Variants in SLC39A11 observed in about 807,000 individuals in gnomAD.
SLC39A11 encodes the protein solute carrier family 39 member 11, also known as zinc transporter ZIP11.
In SLC39A11, 33 loss-of-function variants were observed where a neutral mutation model predicts 36.1. The ratio of observed to expected loss-of-function variants is 0.91; its 90% CI spans 0.69 to 1.22. The LOEUF is 1.22. Ranked by LOEUF, SLC39A11 falls within the 50% of genes most tolerant of loss-of-function variation. The pLI, the probability that SLC39A11 is intolerant of heterozygous loss-of-function variation, is 0.00. For synonymous variants in SLC39A11, 166 were observed against 170.3 expected (o/e 0.97, Z 0.20); for missense variants, 432 against 430.3 (o/e 1.00, Z -0.03).
intron 4 of SLC39A11, among the ~76,000 whole-genome samples, chr17:72,968,373 T>C (rs28479009): frequency 6.6e-6 from 1 of 152,178 alleles, no homozygotes; most frequent in South Asian, 2.1e-4. Flanking sequence ...CTCTCTTTTT[T>C]CTTTTTTTCT....
intron 6 of SLC39A11, among the ~76,000 whole-genome samples, chr17:72,765,336 A>G (rs1314342206): frequency 3.3e-5 from 5 of 152,212 alleles, no homozygotes; most frequent in Non-Finnish European, 5.9e-5. Flanking sequence ...CAATGATTGC[A>G]TTCACAACAA....
chr17:72,650,233 A>G (rs964695121), intron 7 of SLC39A11, among the ~76,000 whole-genome samples: 11 of 152,190 alleles, frequency 7.2e-5, no homozygotes, highest in African/African-American at 2.7e-4. Flanking sequence ...CTGCCTCTGC[A>G]GGACAGTGAC....
chr17:72,712,311 CG>C (rs1444220490), intron 7 of SLC39A11, among the ~76,000 whole-genome samples: 1 of 152,154 alleles, frequency 6.6e-6, no homozygotes, highest in Non-Finnish European at 1.5e-5. Context: ...GCTAGCCTGC[CG>C]GGGGATAACA....
intron 7 of SLC39A11, among the ~76,000 whole-genome samples, chr17:72,727,630 TG>T (rs1378426682): frequency 8.1e-6 from 1 of 122,764 alleles, no homozygotes; most frequent in Non-Finnish European, 1.6e-5. Context: ...CCAGCCTGGG[TG>T]AAAGAGTGAG....
intron 5 of SLC39A11, among the ~76,000 whole-genome samples, chr17:72,926,537 T>C (rs1443428935): frequency 6.6e-6 from 1 of 152,178 alleles, no homozygotes; most frequent in Non-Finnish European, 1.5e-5. Context: ...GATGTTGCTG[T>C]TGTTGCTAAA....
intron 6 of SLC39A11, among the ~76,000 whole-genome samples, chr17:72,777,161 C>T (rs1436799133): frequency 6.6e-6 from 1 of 152,128 alleles, no homozygotes; most frequent in Non-Finnish European, 1.5e-5. Context: ...AATAACAAAT[C>T]CCTATCGAAC....
intron 7 of SLC39A11, among the ~76,000 whole-genome samples, chr17:72,689,327 G>A (rs868831569): frequency 2.0e-5 from 3 of 152,234 alleles, no homozygotes; most frequent in Admixed American, 6.5e-5. Context: ...GTTTGAAAGC[G>A]TTCAGCTGGG....
At chr17:73,029,000 C>T (rs1246210365) in intron 4 of SLC39A11, among the ~76,000 whole-genome samples, 2 of 151,814 alleles carry the variant, frequency 1.3e-5, no homozygotes, top group Admixed American at 1.3e-4. Flanking sequence ...TGCCTGTAAT[C>T]CCAGCTACTC....
At chr17:72,982,081 A>T (rs1034552588) in intron 4 of SLC39A11, among the ~76,000 whole-genome samples, 7 of 150,230 alleles carry the variant, frequency 4.7e-5, no homozygotes, top group Admixed American at 3.3e-4. Flanking sequence ...CATCTCTAAA[A>T]TTTTTTTTTT....
intron 6 of SLC39A11, among the ~76,000 whole-genome samples, chr17:72,776,710 T>TTA (rs4036980): frequency 6.6e-6 from 1 of 151,080 alleles, no homozygotes; most frequent in East Asian, 1.9e-4. Context: ...TCTAGCGGCA[T>TTA]TATATATATA....
chr17:72,697,330 A>G (rs2072353330), intron 7 of SLC39A11, among the ~76,000 whole-genome samples: 1 of 152,080 alleles, frequency 6.6e-6, no homozygotes. Context: ...TGATCTGCCC[A>G]CCTTGGCCTC....
intron 4 of SLC39A11, among the ~76,000 whole-genome samples, chr17:73,014,921 C>T (rs1336707400): frequency 1.3e-5 from 2 of 152,160 alleles, no homozygotes; most frequent in East Asian, 1.9e-4. Context: ...GCCTCCATCC[C>T]GCCCCTGAGC....
intron 6 of SLC39A11, among the ~76,000 whole-genome samples, chr17:72,768,503 G>A (rs2075827285): frequency 1.3e-5 from 2 of 152,156 alleles, no homozygotes. Context: ...GCAGAGGGTA[G>A]CCTCCCAGAA....
At chr17:72,741,708 A>G (rs2074712596) in intron 6 of SLC39A11, among the ~76,000 whole-genome samples, 1 of 152,180 alleles carries the variant, frequency 6.6e-6, no homozygotes, top group South Asian at 2.1e-4. Context: ...TCCACAGATC[A>G]GAGAGGGAAG....
At chr17:72,776,670 A>C (rs1054654147) in intron 6 of SLC39A11, among the ~76,000 whole-genome samples, 17 of 149,948 alleles carry the variant, frequency 1.1e-4, no homozygotes, top group Admixed American at 9.3e-4. Flanking sequence ...TAGACAGAGG[A>C]AGAGAGAGAC....
chr17:72,735,958 TGGTCAACTGGGTACAGC>T (rs2074410926), intron 7 of SLC39A11, among the ~76,000 whole-genome samples: 1 of 152,180 alleles, frequency 6.6e-6, no homozygotes, highest in Admixed American at 6.5e-5. Flanking sequence ...AGGGTTGGCT[TGGTCAACTGGGTACAGC>T]GGTGACAGGG....
chr17:72,751,261 G>A (rs893273929), intron 6 of SLC39A11, among the ~76,000 whole-genome samples: 1 of 151,986 alleles, frequency 6.6e-6, no homozygotes, highest in Non-Finnish European at 1.5e-5. Flanking sequence ...ACAAAAAAGT[G>A]AGCGTACAAT....
chr17:73,014,600 T>G (rs6501590), intron 4 of SLC39A11, among the ~76,000 whole-genome samples: 1 of 152,176 alleles, frequency 6.6e-6, no homozygotes, highest in Non-Finnish European at 1.5e-5. Context: ...AAGGCTGCAA[T>G]GAACTGTGAT....
chr17:72,995,748 C>T (rs1394025344), intron 4 of SLC39A11, among the ~76,000 whole-genome samples: 1 of 152,208 alleles, frequency 6.6e-6, no homozygotes, highest in Non-Finnish European at 1.5e-5. Context: ...ATTTTCCAGC[C>T]TTCCGACTTG....
Sources: gnomAD v4.1 joint callset for allele counts (sites outside exome capture counted in the v4.1 genomes callset) on GRCh38, gnomAD v4.1.1 for gene constraint, MANE v1.5 for transcripts, NCBI Gene and HGNC (gene_info 2026-07-23, HGNC 2026-07-21) for gene names.